Variants in LINC00632 observed in about 807,000 individuals in gnomAD.
The protein encoded by LINC00632 is long independently transcribed non-coding RNA 632, also known as ALDOA related specific transcript.
At chrX:140,769,162 T>C (rs1931748664) in intron 3 of LINC00632, among the ~76,000 whole-genome samples, 1 of 111,461 alleles carries the variant, frequency 9.0e-6, no homozygotes, top group African/African-American at 3.3e-5. Context: ...AGAAGGCTTA[T>C]TGAGTAAGCA....
chrX:140,754,841 GTT>G (rs11401571), intron 3 of LINC00632, among the ~76,000 whole-genome samples: 1 of 104,919 alleles, frequency 9.5e-6, no homozygotes. Context: ...AGCATAGGCT[GTT>G]TTTTTTTTAG....
At chrX:140,783,907 A>G in exon 5 of LINC00632, 1 of 1,208,471 alleles carries the variant, frequency 8.3e-7, no homozygotes, top group Non-Finnish European at 1.1e-6. Context: ...GGTCTTCCTG[A>G]AAATCTACGT....
chrX:140,763,210 A>C, intron 3 of LINC00632, among the ~76,000 whole-genome samples: 1 of 111,113 alleles, frequency 9.0e-6, no homozygotes, highest in Non-Finnish European at 1.9e-5. Flanking sequence ...AGCCTGGCCA[A>C]CATGGTGAAA....
intron 3 of LINC00632, among the ~76,000 whole-genome samples, chrX:140,734,143 C>G (rs1244034912): frequency 8.9e-6 from 1 of 111,790 alleles, no homozygotes; most frequent in African/African-American, 3.3e-5. Context: ...TAACTTTTCC[C>G]CCTGCCGTCC....
intron 3 of LINC00632, among the ~76,000 whole-genome samples, chrX:140,747,771 T>G (rs1931348869): frequency 9.0e-6 from 1 of 111,506 alleles, no homozygotes; most frequent in South Asian, 3.8e-4. Context: ...GTGCCTTTGG[T>G]GCCTTGACCT....
intron 3 of LINC00632, among the ~76,000 whole-genome samples, chrX:140,771,482 T>C (rs917558556): frequency 9.4e-6 from 1 of 106,765 alleles, no homozygotes; most frequent in Non-Finnish European, 1.9e-5. Context: ...CCTTGTGATT[T>C]ACCTTCTAAT....
At chrX:140,775,880 T>C (rs936412059) in exon 5 of LINC00632, among the ~76,000 whole-genome samples, 2 of 110,569 alleles carry the variant, frequency 1.8e-5, no homozygotes, top group African/African-American at 6.6e-5. Flanking sequence ...CCAGTAACTT[T>C]CTCCTCAATC....
At chrX:140,745,235 T>C (rs1270373984) in intron 3 of LINC00632, among the ~76,000 whole-genome samples, 1 of 109,921 alleles carries the variant, frequency 9.1e-6, no homozygotes, top group Non-Finnish European at 1.9e-5. Flanking sequence ...CCATTCAGTC[T>C]CTGGCCATAT....
chrX:140,781,967 T>A (rs1329660239), exon 5 of LINC00632, among the ~76,000 whole-genome samples: 3 of 112,188 alleles, frequency 2.7e-5, no homozygotes, highest in African/African-American at 9.7e-5. Flanking sequence ...TCGACCTAGA[T>A]ACTGCTTATT....
At position 140,758,372 on chromosome X, in the gene LINC00632, C is replaced by CT. The variant is rs35668777; in HGVS notation, n.192-13686dup. Among the ~76,000 whole-genome samples the CT allele has an allele frequency of 1.1e-3, 80 of 69,774 alleles. 2 individuals are homozygous for CT. The East Asian group carries it at 0.021, about 18-fold the overall frequency. 60.6% of individuals were successfully genotyped at this position (69,774 alleles called of 115,157 possible). Reference sequence around the variant, plus strand: ...AATGATGTATGAAAGCTACATTTTCCTTTTTTTTTTTTTTTTTTTTGACAG... The same window carrying CT: ...AATGATGTATGAAAGCTACATTTTCCTTTTTTTTTTTTTTTTTTTTTGACAG... On this transcript the variant is annotated intron_variant and non_coding_transcript_variant, in intron 3 of 4. Coordinates refer to ENST00000648200, the Ensembl canonical transcript of LINC00632.
chrX:140,763,121 C>T (rs1387193946), intron 3 of LINC00632, among the ~76,000 whole-genome samples: 2 of 111,966 alleles, frequency 1.8e-5, no homozygotes, highest in Non-Finnish European at 1.9e-5. Context: ...GTAGGCCAGG[C>T]GCGGTGGCTC....
intron 3 of LINC00632, among the ~76,000 whole-genome samples, chrX:140,752,774 C>T (rs182498260): frequency 1.8e-5 from 2 of 111,672 alleles, no homozygotes; most frequent in East Asian, 5.7e-4. Context: ...CTTCCCTCAT[C>T]TGTGTGTCCT....
chrX:140,743,082 G>A (rs1436928714), intron 3 of LINC00632, among the ~76,000 whole-genome samples: 1 of 107,708 alleles, frequency 9.3e-6, no homozygotes, highest in East Asian at 2.9e-4. Context: ...AAAATTAGCT[G>A]GGCATAGTGG....
intron 3 of LINC00632, among the ~76,000 whole-genome samples, chrX:140,760,137 A>G (rs1931575320): frequency 2.7e-5 from 3 of 112,094 alleles, no homozygotes; most frequent in African/African-American, 9.7e-5. Context: ...TGAGGTAAGA[A>G]CAAAGTGATG....
intron 3 of LINC00632, among the ~76,000 whole-genome samples, chrX:140,763,391 A>T (rs1362361758): frequency 3.2e-5 from 2 of 63,011 alleles, no homozygotes; most frequent in Admixed American, 2.0e-4. Context: ...TGACAGAGGG[A>T]GACTCTGTCT....
intron 2 of LINC00632, among the ~76,000 whole-genome samples, chrX:140,724,823 C>T (rs1437133559): frequency 2.6e-4 from 6 of 23,462 alleles, no homozygotes; most frequent in South Asian, 1.7e-3. Flanking sequence ...CATACACACA[C>T]GCACACATTC....
chrX:140,786,222 C>T (rs1303577380), exon 5 of LINC00632, among the ~76,000 whole-genome samples: 1 of 112,440 alleles, frequency 8.9e-6, no homozygotes, highest in Non-Finnish European at 1.9e-5. Context: ...ATGATTTATA[C>T]TTTACAAAGT....
intron 2 of LINC00632, among the ~76,000 whole-genome samples, chrX:140,731,638 G>A (rs1003283095): frequency 6.3e-5 from 7 of 111,835 alleles, no homozygotes; most frequent in African/African-American, 1.6e-4. Flanking sequence ...CACAGACACC[G>A]ACTCACACCC....
At chrX:140,720,020 G>A (rs2148378088) in intron 2 of LINC00632, among the ~76,000 whole-genome samples, 1 of 107,423 alleles carries the variant, frequency 9.3e-6, no homozygotes, top group African/African-American at 3.4e-5. Context: ...CTGGGAGGCG[G>A]AGGTTGCGGT....
Sources: gnomAD v4.1 joint callset for allele counts (sites outside exome capture counted in the v4.1 genomes callset) on GRCh38, gnomAD v4.1.1 for gene constraint, MANE v1.5 for transcripts, NCBI Gene and HGNC (gene_info 2026-07-23, HGNC 2026-07-21) for gene names.